FZD9: variants seen among roughly 807,000 people sequenced by gnomAD.
FZD9 encodes frizzled-9.
In FZD9, 29 loss-of-function variants were observed where a neutral mutation model predicts 29.9. The observed-to-expected ratio is 0.97, with a 90% CI of 0.72 to 1.32. The LOEUF (loss-of-function observed/expected upper bound fraction) is 1.32. FZD9 is among the 40% of genes most tolerant of loss of function. The pLI is 0.00. For missense variants in FZD9, 822 were observed against 857.8 expected (o/e 0.96, Z 0.52); for synonymous variants, 384 against 393.9 (o/e 0.97, Z 0.30).
Position 73,435,690 on chromosome 7 carries a change from C to A in FZD9, c.1683C>A (p.Tyr561Ter), listed in dbSNP as rs115751996. ...RAKACRAPGS[Y>*]GRGTHCHYKA... ...AGGCCTGCCGCGCCCCCGGGAGCTA[C>A]GGACGTGGCACGCACTGCCACTATA... The change falls in exon 1 of 1, where the codon TAC becomes TAA. Residue 561 changes from tyrosine (Y) to a stop codon, truncating the protein, a stop_gained. Transcript: ENST00000344575. LOFTEE classifies it high-confidence loss of function. 1.9e-6 allele frequency: 3 copies of A among 1,612,986 alleles called. No homozygotes were observed. The highest frequency in any genetic ancestry group is 2.7e-5 in the African/African-American group (2 of 74,932).
In FZD9 at chr7:73,435,285, C is replaced by T. The variant is rs1787393013; in HGVS notation, c.1278C>T (p.His426=). 1.9e-6 allele frequency: 3 copies of T among 1,613,890 alleles called. 1 individual carries two copies. In the South Asian group the frequency reaches 3.3e-5, roughly 18 times the overall value. Residue 426 remains histidine, a synonymous_variant, in exon 1 of 1, where the codon CAC becomes CAT. Coordinates refer to ENST00000344575, the MANE Select transcript of FZD9 (RefSeq NM_003508.3). ...FLLTGFVALF[H]IRKIMKTGGT... Reference sequence around the variant, plus strand: ...TGACCGGCTTCGTGGCCCTCTTCCACATCCGCAAGATCATGAAGACGGGCG... The same window carrying T: ...TGACCGGCTTCGTGGCCCTCTTCCATATCCGCAAGATCATGAAGACGGGCG...
chr7:73,435,068 A>ACGG lies in FZD9; in HGVS notation c.1063_1065dup (p.Gly355dup), dbSNP rs1401173186. ...TGGGGCCACGAGGCCATCGAGGCCC[A>ACGG]CGGCAGCTATTTCCACATGGCTGCC... On this transcript the variant is annotated inframe_insertion, in exon 1 of 1. Coordinates refer to ENST00000344575, the MANE Select transcript of FZD9 (RefSeq NM_003508.3). 6.2e-7 allele frequency: 1 copy of ACGG among 1,612,972 alleles called. No individual in the cohort carries two copies. The highest frequency in any genetic ancestry group is 1.7e-5 in the Admixed American group (1 of 59,996).
chr7:73,436,079 G>GT lies in FZD9; in HGVS notation c.*298dup, dbSNP rs1787418591. ...ATTTAATGATGTAATTTATTGTTGC[G>GT]TTCCTCTGGAAGCTGTGACTGGAAT... On this transcript the variant is annotated 3_prime_UTR_variant, in exon 1 of 1. Transcript: ENST00000344575. 1 of 336,632 alleles carries GT rather than the reference G, an allele frequency of 3.0e-6. No homozygotes were observed. Among genetic ancestry groups the GT allele is most frequent in the Non-Finnish European group, 5.7e-6 (1 of 176,482 alleles). The allele number at this position is 336,632 out of a possible 1,614,324, so 20.9% of individuals were successfully genotyped here.
chr7:73,435,959 G>A lies in FZD9; in HGVS notation c.*176G>A. On this transcript the variant is annotated 3_prime_UTR_variant, in exon 1 of 1. Coordinates refer to ENST00000344575, the MANE Select transcript of FZD9 (RefSeq NM_003508.3). Reference sequence around the variant, plus strand: ...GTGAGGCTCATTAGGGGAGATGGGGGTCTCCCCTAATGCGGGGGCTGGACC... The same window carrying A: ...GTGAGGCTCATTAGGGGAGATGGGGATCTCCCCTAATGCGGGGGCTGGACC... 1.3e-6 allele frequency: 1 copy of A among 792,056 alleles called. No individual in the cohort carries two copies. Among genetic ancestry groups the A allele is most frequent in the Non-Finnish European group, 2.0e-6 (1 of 504,892 alleles). 49.1% of individuals were successfully genotyped at this position (792,056 alleles called of 1,614,324 possible). A position where few individuals can be genotyped will look rare whatever the true frequency, so the allele number is the denominator to read the frequency against.
chr7:73,434,911 T>C lies in FZD9; in HGVS notation c.904T>C (p.Tyr302His), dbSNP rs946134081. 3.1e-6 allele frequency: 5 copies of C among 1,613,862 alleles called. No homozygotes were observed. Among genetic ancestry groups the C allele is most frequent in the East Asian group, 4.5e-5 (2 of 44,874 alleles). Residue 302 changes from tyrosine (Y) to histidine (H), a missense_variant, in exon 1 of 1, where the codon TAC becomes CAC. Physicochemically the swap from Tyr to His is moderately conservative, Grantham distance 83. Transcript: ENST00000344575. ...CTGTGACCAGGAGGCGGGCGCGCTC[T>C]ACGTGATCCAGGAGGGCCTGGAGAA... ...VACDQEAGAL[Y>H]VIQEGLENTG...
chr7:73,435,680 C>A lies in FZD9; in HGVS notation c.1673C>A (p.Pro558His). ...GRARAKACRA[P>H]GSYGRGTHCH... ...GCCCGGGCCAAGGCCTGCCGCGCCC[C>A]CGGGAGCTACGGACGTGGCACGCAC... Residue 558 changes from proline to histidine, a missense_variant, in exon 1 of 1, where the codon CCC (proline) becomes CAC (histidine). Transcript: ENST00000344575. The A allele has an allele frequency of 1.2e-6, 2 of 1,613,196 alleles. No homozygotes were observed. The highest frequency in any genetic ancestry group is 1.7e-6 in the Non-Finnish European group (2 of 1,179,838).
Position 73,434,755 on chromosome 7 carries a change from G to A in FZD9, c.748G>A (p.Val250Met). The part of the protein sequence containing the change: ...ALCFFSTAFT[V>M]LTFLLEPHRF... Reference sequence around the variant, plus strand: ...GTGCTTCTTCTCCACCGCCTTCACTGTGCTCACCTTCTTGCTGGAGCCCCA... The same window carrying A: ...GTGCTTCTTCTCCACCGCCTTCACTATGCTCACCTTCTTGCTGGAGCCCCA... The change falls in exon 1 of 1, where the codon GTG becomes ATG. Residue 250 changes from valine to methionine, a missense_variant. By Grantham distance (21) the Val-to-Met change is conservative. Transcript: ENST00000344575. The A allele has an allele frequency of 6.2e-7, 1 of 1,611,738 alleles. No individual in the cohort carries two copies. The highest frequency in any genetic ancestry group is 8.5e-7 in the Non-Finnish European group (1 of 1,179,962).
rs1554563378 is a variant in FZD9 at position 73,434,635 on chromosome 7, T to C, written c.628T>C (p.Ser210Pro). 1 of 1,593,998 alleles carries C rather than the reference T, an allele frequency of 6.3e-7. No individual in the cohort carries two copies. Among genetic ancestry groups the C allele is most frequent in the Admixed American group, 1.7e-5 (1 of 59,340 alleles). ...EKFQYVEKSR[S>P]CAPRCGPGVE... is the part of the protein sequence containing the mutation. ...GTTCCAGTACGTGGAGAAGAGCCGC[T>C]CGTGCGCACCGCGCTGCGGGCCCGG... The change falls in exon 1 of 1, where the codon TCG (serine) becomes CCG (proline). Residue 210 changes from serine (S) to proline (P), a missense_variant. By Grantham distance (74) the Ser-to-Pro change is moderately conservative (BLOSUM62 -1). Coordinates refer to ENST00000344575, the MANE Select transcript of FZD9 (RefSeq NM_003508.3).
rs1563354161 is a variant in FZD9, at chr7:73,434,366, TGCGCTGCGCGCCC to T, written c.360_372del (p.Arg121SerfsTer158). The T allele has an allele frequency of 6.3e-7, 1 of 1,583,924 alleles. No individual in the cohort carries two copies. The highest frequency in any genetic ancestry group is 8.5e-7 in the Non-Finnish European group (1 of 1,172,068). On this transcript the variant is annotated frameshift_variant, in exon 1 of 1. Coordinates refer to ENST00000344575, the MANE Select transcript of FZD9 (RefSeq NM_003508.3). LOFTEE classifies it low-confidence loss of function (END_TRUNC). ...CGGCCCATGTGCGAGCAGGCGCGCCTGCGCTGCGCGCCCATCATGGAGCAGTTCAACTTCGGCT... is the reference window on the plus strand; with the variant it reads ...CGGCCCATGTGCGAGCAGGCGCGCCTATCATGGAGCAGTTCAACTTCGGCT...
In FZD9 at chr7:73,434,665, G is replaced by T; in HGVS notation, c.658G>T (p.Glu220Ter). ...SCAPRCGPGV[E>*]VFWSRRDKDF... ...CGCACCGCGCTGCGGGCCCGGCGTCGAGGTGTTCTGGTCCCGGCGCGACAA... is the reference window on the plus strand; with the variant it reads ...CGCACCGCGCTGCGGGCCCGGCGTCTAGGTGTTCTGGTCCCGGCGCGACAA... Residue 220 changes from glutamate (E) to a stop codon, truncating the protein, a stop_gained, in exon 1 of 1, where the codon GAG (glutamate) becomes TAG (stop). Transcript: ENST00000344575. LOFTEE classifies it high-confidence loss of function. 6.2e-7 allele frequency: 1 copy of T among 1,601,120 alleles called. No individual in the cohort carries two copies. Among genetic ancestry groups the T allele is most frequent in the Non-Finnish European group, 8.5e-7 (1 of 1,179,104 alleles).
chr7:73,433,895 C>T lies in FZD9; in HGVS notation c.-113C>T, dbSNP rs1787341008. 2 of 839,340 alleles carry T rather than the reference C, an allele frequency of 2.4e-6. No homozygotes were observed. Among genetic ancestry groups the T allele is most frequent in the Non-Finnish European group, 2.9e-6 (2 of 684,274 alleles). 52.0% of individuals were successfully genotyped at this position (839,340 alleles called of 1,614,324 possible). A position where few individuals can be genotyped will look rare whatever the true frequency, so the allele number is the denominator to read the frequency against. ...CCCAGGGCGCCCGGACACACGTGGG[C>T]GGCTCAGCGATGGCCCGCGCCCCGC... On this transcript the variant is annotated 5_prime_UTR_variant, in exon 1 of 1. Transcript: ENST00000344575.
In FZD9 at chr7:73,435,089, C is replaced by A; in HGVS notation, c.1082C>A (p.Ala361Asp). ...GCCCACGGCAGCTATTTCCACATGGCTGCCTGGGGCCTGCCCGCGCTCAAG... is the reference window on the plus strand; with the variant it reads ...GCCCACGGCAGCTATTTCCACATGGATGCCTGGGGCCTGCCCGCGCTCAAG... ...IEAHGSYFHM[A>D]AWGLPALKTI... The change falls in exon 1 of 1, where the codon GCT becomes GAT. Residue 361 changes from alanine to aspartate, a missense_variant. By Grantham distance (126) the Ala-to-Asp change is moderately radical. Transcript: ENST00000344575. 2 of 1,612,232 alleles carry A rather than the reference C, an allele frequency of 1.2e-6. No individual in the cohort carries two copies. The highest frequency in any genetic ancestry group is 1.7e-6 in the Non-Finnish European group (2 of 1,179,298).
At position 73,435,737 on chromosome 7, in the gene FZD9, A is replaced by C; in HGVS notation, c.1730A>C (p.His577Pro). The change falls in exon 1 of 1, where the codon CAC becomes CCC. Residue 577 changes from histidine to proline, a missense_variant. By Grantham distance (77) the His-to-Pro change is moderately conservative (BLOSUM62 -2). Coordinates refer to ENST00000344575, the MANE Select transcript of FZD9 (RefSeq NM_003508.3). Reference sequence around the variant, plus strand: ...TATAAGGCTCCCACCGTGGTCTTGCACATGACTAAGACGGACCCCTCTTTG... The same window carrying C: ...TATAAGGCTCCCACCGTGGTCTTGCCCATGACTAAGACGGACCCCTCTTTG... The part of the protein sequence containing the change: ...CHYKAPTVVL[H>P]MTKTDPSLEN... 1 of 1,610,772 alleles carries C rather than the reference A, an allele frequency of 6.2e-7. No homozygotes were observed. Among genetic ancestry groups the C allele is most frequent in the Non-Finnish European group, 8.5e-7 (1 of 1,178,072 alleles).
At position 73,434,437 on chromosome 7, in the gene FZD9, A is replaced by C. The variant is rs782702023; in HGVS notation, c.430A>C (p.Thr144Pro). 7 of 1,551,298 alleles carry C rather than the reference A, an allele frequency of 4.5e-6. No homozygotes were observed. The highest frequency in any genetic ancestry group is 6.0e-6 in the Non-Finnish European group (7 of 1,157,980). Reference sequence around the variant, plus strand: ...CTCGCTCGACTGCGCCCGGCTGCCCACGCGCAACGACCCGCACGCGCTGTG... The same window carrying C: ...CTCGCTCGACTGCGCCCGGCTGCCCCCGCGCAACGACCCGCACGCGCTGTG... ...PDSLDCARLP[T>P]RNDPHALCME... The change falls in exon 1 of 1, where the codon ACG (threonine) becomes CCG (proline). Residue 144 changes from threonine to proline, a missense_variant. Coordinates refer to ENST00000344575, the MANE Select transcript of FZD9 (RefSeq NM_003508.3).
rs1554563264 is a variant in FZD9 at position 73,434,382 on chromosome 7, C to G, written c.375C>G (p.Ile125Met). 7 of 1,582,822 alleles carry G rather than the reference C, an allele frequency of 4.4e-6. No individual in the cohort carries two copies. The highest frequency in any genetic ancestry group is 6.0e-6 in the Non-Finnish European group (7 of 1,171,832). ...AGGCGCGCCTGCGCTGCGCGCCCAT[C>G]ATGGAGCAGTTCAACTTCGGCTGGC... Reference protein sequence around the residue: ...CEQARLRCAPIMEQFNFGWPD... With the variant: ...CEQARLRCAPMMEQFNFGWPD... The change falls in exon 1 of 1, where the codon ATC becomes ATG. Residue 125 changes from isoleucine to methionine, a missense_variant. By Grantham distance (10) the Ile-to-Met change is conservative. Coordinates refer to ENST00000344575, the MANE Select transcript of FZD9 (RefSeq NM_003508.3).
Position 73,434,180 on chromosome 7 carries a change from C to G in FZD9, c.173C>G (p.Pro58Arg). ...ATCGGCTACAACCTGACCCGCATGC[C>G]CAACCTGCTGGGCCACACGTCGCAG... ...RGIGYNLTRM[P>R]NLLGHTSQGE... Residue 58 changes from proline (P) to arginine (R), a missense_variant, in exon 1 of 1, where the codon CCC (proline) becomes CGC (arginine). Physicochemically the swap from Pro to Arg is moderately radical, Grantham distance 103. Transcript: ENST00000344575. The G allele has an allele frequency of 6.4e-7, 1 of 1,574,284 alleles. No individual in the cohort carries two copies. The highest frequency in any genetic ancestry group is 8.6e-7 in the Non-Finnish European group (1 of 1,167,242).
At position 73,435,105 on chromosome 7, in the gene FZD9, C is replaced by G. The variant is rs781937154; in HGVS notation, c.1098C>G (p.Pro366=). Residue 366 remains proline, a synonymous_variant, in exon 1 of 1, where the codon CCC becomes CCG. Transcript: ENST00000344575. ...TCCACATGGCTGCCTGGGGCCTGCC[C>G]GCGCTCAAGACCATCGTCATCCTGA... ...SYFHMAAWGL[P]ALKTIVILTL... is the part of the protein sequence containing the mutation. 1 of 1,611,412 alleles carries G rather than the reference C, an allele frequency of 6.2e-7. No homozygotes were observed. The highest frequency in any genetic ancestry group is 2.2e-5 in the East Asian group (1 of 44,802).
At position 73,434,549 on chromosome 7, in the gene FZD9, G is replaced by A. The variant is rs1735753443; in HGVS notation, c.542G>A (p.Arg181His). The change falls in exon 1 of 1, where the codon CGC becomes CAC. Residue 181 changes from arginine (R) to histidine (H), a missense_variant. Transcript: ENST00000344575. ...CTGCCCGTGGCGCCGCGGCCCGCGC[G>A]CCCTCCCGGAGACCTGGGCCCGGGC... ...GMLPVAPRPA[R>H]PPGDLGPGAG... The A allele has an allele frequency of 7.0e-7, 1 of 1,428,506 alleles. No homozygotes were observed. Among genetic ancestry groups the A allele is most frequent in the Non-Finnish European group, 9.1e-7 (1 of 1,103,156 alleles). The allele number at this position is 1,428,506 out of a possible 1,614,324, so 88.5% of individuals were successfully genotyped here. A position where few individuals can be genotyped will look rare whatever the true frequency, so the allele number is the denominator to read the frequency against.
In FZD9 at chr7:73,434,403, C is replaced by T; in HGVS notation, c.396C>T (p.Gly132=). The change falls in exon 1 of 1, where the codon GGC becomes GGT. Residue 132 remains glycine, a synonymous_variant. Coordinates refer to ENST00000344575, the MANE Select transcript of FZD9 (RefSeq NM_003508.3). ...CCATCATGGAGCAGTTCAACTTCGG[C>T]TGGCCGGACTCGCTCGACTGCGCCC... The part of the protein sequence containing the change: ...CAPIMEQFNF[G]WPDSLDCARL... 1.3e-6 allele frequency: 2 copies of T among 1,572,686 alleles called. No homozygotes were observed. Among genetic ancestry groups the T allele is most frequent in the Admixed American group, 1.8e-5 (1 of 55,986 alleles).
Sources: gnomAD v4.1 joint callset for allele counts on GRCh38, gnomAD v4.1.1 for gene constraint, MANE v1.5 for transcripts, NCBI Gene and HGNC (gene_info 2026-07-23, HGNC 2026-07-21) for gene names.